Variants in KSR2 observed in about 807,000 individuals in gnomAD.
KSR2 encodes kinase suppressor of ras 2.
A neutral mutation model predicts 107.8 loss-of-function variants in KSR2; 25 were observed. The ratio of observed to expected loss-of-function variants is 0.23; its 90% CI spans 0.17 to 0.32. KSR2 has a LOEUF of 0.32. Among genes scored for constraint, KSR2 ranks in the 10% least tolerant of loss-of-function variants. The pLI, the probability that KSR2 is intolerant of heterozygous loss-of-function variation, is 1.00. For synonymous variants in KSR2, 480 were observed against 507.0 expected, an observed-to-expected ratio of 0.95 and a Z score of 0.71; for missense variants, 887 against 1,268.9, an observed-to-expected ratio of 0.70 and a Z score of 4.57.
At chr12:117,523,396 T>G (rs1222121097) in intron 14 of KSR2, among the ~76,000 whole-genome samples, 1 of 152,158 alleles carries the variant, frequency 6.6e-6, no homozygotes, top group Non-Finnish European at 1.5e-5. Context: ...AGAATGCCAT[T>G]GCAGAGGCCA....
chr12:117,903,966 T>C (rs1894765389), intron 1 of KSR2, among the ~76,000 whole-genome samples: 2 of 152,094 alleles, frequency 1.3e-5, no homozygotes, highest in African/African-American at 2.4e-5. Flanking sequence ...GCCACTGTAC[T>C]CCAGCCTGGG....
intron 14 of KSR2, among the ~76,000 whole-genome samples, chr12:117,517,091 A>G (rs1411965869): frequency 2.6e-5 from 4 of 152,184 alleles, no homozygotes; most frequent in Non-Finnish European, 5.9e-5. Context: ...TGCAGCTTAG[A>G]AGAAGGCAAA....
At chr12:117,697,108 G>A (rs1372304254) in intron 4 of KSR2, among the ~76,000 whole-genome samples, 1 of 152,166 alleles carries the variant, frequency 6.6e-6, no homozygotes, top group South Asian at 2.1e-4. Context: ...CCAGCACAGA[G>A]AACAAACGAA....
chr12:117,691,341 A>T (rs2136572857), intron 4 of KSR2, among the ~76,000 whole-genome samples: 1 of 152,302 alleles, frequency 6.6e-6, no homozygotes, highest in African/African-American at 2.4e-5. Flanking sequence ...CTGCAAAGAA[A>T]GATGGTGCCA....
intron 9 of KSR2, among the ~76,000 whole-genome samples, chr12:117,553,828 T>A (rs1406390465): frequency 6.6e-6 from 1 of 150,504 alleles, no homozygotes; most frequent in African/African-American, 2.5e-5. Context: ...TCCCCTCCTC[T>A]CCCCTTCCCT....
rs2137397435 is a variant in KSR2, at chr12:117,902,235, G to A, written c.181-41804C>T. Among the ~76,000 whole-genome samples, 3 of 152,282 alleles carry A rather than the reference G, an allele frequency of 2.0e-5. No homozygotes were observed. The Middle Eastern group carries it at 0.01, about 518-fold the overall frequency. On this transcript the variant is annotated intron_variant, in intron 1 of 19. Transcript: ENST00000339824. ...GAACTTTGGGAGGCCAAGGTGGGTGGATCACTTGAGGTGAGGAGTTTGAGA... is the reference window on the plus strand; with the variant it reads ...GAACTTTGGGAGGCCAAGGTGGGTGAATCACTTGAGGTGAGGAGTTTGAGA...
At chr12:117,813,965 C>G (rs1375308667) in intron 3 of KSR2, among the ~76,000 whole-genome samples, 1 of 152,138 alleles carries the variant, frequency 6.6e-6, no homozygotes, top group Non-Finnish European at 1.5e-5. Flanking sequence ...GAAATCCTGC[C>G]ATCTGTGGCA....
intron 5 of KSR2, among the ~76,000 whole-genome samples, chr12:117,608,609 A>T (rs1881419922): frequency 1.3e-5 from 2 of 152,166 alleles, no homozygotes; most frequent in African/African-American, 4.8e-5. Flanking sequence ...AAATCCTTTC[A>T]TTTTCATTTA....
At chr12:117,658,300 T>A (rs1217833502) in intron 5 of KSR2, among the ~76,000 whole-genome samples, 2 of 152,168 alleles carry the variant, frequency 1.3e-5, no homozygotes, top group Non-Finnish European at 2.9e-5. Context: ...ATGGATTGGA[T>A]TTGGGTCAAA....
chr12:117,611,161 A>T lies in KSR2; in HGVS notation c.1172-28802T>A, dbSNP rs184573300. On this transcript the variant is annotated intron_variant, in intron 5 of 19. Transcript: ENST00000339824. ...ATGACTTAAAAATGTTCTGATTCTCATTTTTAAAAGAATATGACAATCATC... is the reference window on the plus strand; with the variant it reads ...ATGACTTAAAAATGTTCTGATTCTCTTTTTTAAAAGAATATGACAATCATC... 4.2e-4 allele frequency among the ~76,000 whole-genome samples: 64 copies of T among 152,304 alleles called. 1 individual carries two copies. The South Asian group carries it at 6.6e-3, about 16-fold the overall frequency.
chr12:117,553,296 G>C (rs1025598811), intron 9 of KSR2, among the ~76,000 whole-genome samples: 1 of 152,222 alleles, frequency 6.6e-6, no homozygotes, highest in Non-Finnish European at 1.5e-5. Context: ...AGCTTTGTGG[G>C]AAGACATGGA....
chr12:117,838,217 G>A (rs1337557649), intron 3 of KSR2, among the ~76,000 whole-genome samples: 1 of 152,204 alleles, frequency 6.6e-6, no homozygotes, highest in Admixed American at 6.5e-5. Context: ...ACCCGGGCTG[G>A]AATGCAATGG....
At chr12:117,834,579 A>T (rs765252484) in intron 3 of KSR2, among the ~76,000 whole-genome samples, 1 of 152,180 alleles carries the variant, frequency 6.6e-6, no homozygotes, top group Non-Finnish European at 1.5e-5. Context: ...AAGCCCAAAC[A>T]TAGCCTTTGA....
At chr12:117,650,946 C>A (rs1300236870) in intron 5 of KSR2, among the ~76,000 whole-genome samples, 3 of 152,164 alleles carry the variant, frequency 2.0e-5, no homozygotes, top group African/African-American at 4.8e-5. Context: ...ATGTGAGTGG[C>A]TGGCTAACCT....
chr12:117,841,650 C>T (rs1391037975), intron 3 of KSR2, among the ~76,000 whole-genome samples: 1 of 152,184 alleles, frequency 6.6e-6, no homozygotes, highest in African/African-American at 2.4e-5. Flanking sequence ...AACACAGGGA[C>T]CACTCAGAGT....
At position 117,875,154 on chromosome 12, in the gene KSR2, C is replaced by A. The variant is rs562040977; in HGVS notation, c.181-14723G>T. 1.5e-3 allele frequency among the ~76,000 whole-genome samples: 228 copies of A among 151,834 alleles called. 1 individual carries two copies. The highest frequency in any genetic ancestry group is 0.01 in the Middle Eastern group (3 of 294). ...AATTTAGCAGCATAAACAACAACAA[C>A]AAAAAAAATCAAAAAGTCAAGACAT... On this transcript the variant is annotated intron_variant, in intron 1 of 19. Coordinates refer to ENST00000339824, the MANE Select transcript of KSR2 (RefSeq NM_173598.6).
At chr12:117,757,146 A>G (rs1226680059) in intron 4 of KSR2, among the ~76,000 whole-genome samples, 2 of 152,146 alleles carry the variant, frequency 1.3e-5, no homozygotes, top group African/African-American at 4.8e-5. Context: ...TCAAAATATC[A>G]ACATTAACAG....
chr12:117,703,475 A>G (rs558324550), intron 4 of KSR2, among the ~76,000 whole-genome samples: 1 of 152,252 alleles, frequency 6.6e-6, no homozygotes, highest in South Asian at 2.1e-4. Flanking sequence ...GGATCCACTA[A>G]TAAAAACATC....
chr12:117,968,029 CTTTTTTTTTTTTTTTTTTT>C, intron 1 of KSR2, 28 bp downstream of exon 1: 2 of 675,720 alleles, frequency 3.0e-6, no homozygotes, highest in South Asian at 1.7e-5. Flanking sequence ...AGAAGGATTG[CTTTTTTTTTTTTTTTTTTT>C]TTTTTTTTTC....
Sources: gnomAD v4.1 joint callset for allele counts (sites outside exome capture counted in the v4.1 genomes callset) on GRCh38, gnomAD v4.1.1 for gene constraint, MANE v1.5 for transcripts, NCBI Gene and HGNC (gene_info 2026-07-23, HGNC 2026-07-21) for gene names.